The following NKAIN3 variants were observed in gnomAD, a reference collection of about 807,000 sequenced individuals.
The protein encoded by NKAIN3 is sodium/potassium transporting ATPase interacting 3, also known as sodium/potassium-transporting ATPase subunit beta-1-interacting protein 3.
NKAIN3 carries 25 observed loss-of-function variants against 30.2 expected under a neutral mutation model. The ratio of observed to expected loss-of-function variants is 0.83; its 90% confidence interval spans 0.60 to 1.16. The LOEUF is 1.16. NKAIN3 is among the 50% of genes most tolerant of loss of function. The pLI is 0.00. For missense variants in NKAIN3, 225 were observed against 254.1 expected (o/e 0.89, Z 0.78); for synonymous variants, 91 against 89.6 (o/e 1.02, Z -0.09).
chr8:62,471,492 G>A (rs1284559233), intron 1 of NKAIN3, among the ~76,000 whole-genome samples: 2 of 152,120 alleles, frequency 1.3e-5, no homozygotes, highest in Non-Finnish European at 2.9e-5. Context: ...AATCTTGTGT[G>A]TACCATAAGA....
intron 1 of NKAIN3, among the ~76,000 whole-genome samples, chr8:62,498,623 A>C (rs112874245): frequency 0.023 from 3,504 of 152,084 alleles, 130 homozygotes; most frequent in African/African-American, 0.08. Context: ...TTTTTAGGGA[A>C]GACCTGAAAA....
At chr8:62,871,079 T>C (rs1398058577) in intron 4 of NKAIN3, among the ~76,000 whole-genome samples, 1 of 151,948 alleles carries the variant, frequency 6.6e-6, no homozygotes, top group Non-Finnish European at 1.5e-5. Context: ...TATGTACACA[T>C]TATGAAATGA....
At chr8:62,757,906 T>TAAAC (rs1379655932) in intron 4 of NKAIN3, among the ~76,000 whole-genome samples, 6 of 152,152 alleles carry the variant, frequency 3.9e-5, no homozygotes, top group Non-Finnish European at 7.4e-5. Context: ...TTTCAGTTTG[T>TAAAC]AAACAGGTGA....
intron 1 of NKAIN3, among the ~76,000 whole-genome samples, chr8:62,384,196 C>A (rs1817358145): frequency 6.6e-6 from 1 of 152,126 alleles, no homozygotes; most frequent in African/African-American, 2.4e-5. Context: ...AGATGATTAG[C>A]ATCACATGGC....
chr8:62,985,496 G>A (rs375332358), downstream of NKAIN3, among the ~76,000 whole-genome samples: 2 of 152,142 alleles, frequency 1.3e-5, no homozygotes, highest in East Asian at 1.9e-4. Flanking sequence ...CTTCTTCATT[G>A]CCTCTGAGAC....
chr8:62,678,668 T>A (rs13282341), intron 3 of NKAIN3, among the ~76,000 whole-genome samples: 8,202 of 150,418 alleles, frequency 0.055, 316 homozygotes, highest in Middle Eastern at 0.12. Flanking sequence ...TATTATATCA[T>A]TACATTGATA....
At chr8:62,870,709 A>C (rs189856352) in intron 4 of NKAIN3, among the ~76,000 whole-genome samples, 2 of 145,254 alleles carry the variant, frequency 1.4e-5, no homozygotes, top group South Asian at 2.1e-4. Flanking sequence ...ATATCTATAT[A>C]TCTATATCTC....
intron 4 of NKAIN3, among the ~76,000 whole-genome samples, chr8:62,801,252 T>A (rs138535384): frequency 7.9e-5 from 12 of 152,138 alleles, no homozygotes; most frequent in Non-Finnish European, 2.9e-5. Context: ...TCTGACAGCT[T>A]TGAAGAGAGC....
intron 3 of NKAIN3, among the ~76,000 whole-genome samples, chr8:62,730,277 A>G (rs1314532514): frequency 2.0e-5 from 3 of 152,120 alleles, no homozygotes; most frequent in Non-Finnish European, 4.4e-5. Context: ...ATTTAGCTCC[A>G]CTAGAGCATA....
chr8:62,371,106 A>G (rs1816894089), intron 1 of NKAIN3, among the ~76,000 whole-genome samples: 1 of 151,818 alleles, frequency 6.6e-6, no homozygotes, highest in Admixed American at 6.6e-5. Context: ...ATGTCATCTT[A>G]TCCTCAAAGT....
At chr8:62,317,078 T>G (rs1814663639) in intron 1 of NKAIN3, among the ~76,000 whole-genome samples, 1 of 152,222 alleles carries the variant, frequency 6.6e-6, no homozygotes, top group South Asian at 2.1e-4. Flanking sequence ...TGTCTTCTTT[T>G]GAGAAGTGTC....
At chr8:62,943,760 T>C (rs1485302135) in intron 5 of NKAIN3, among the ~76,000 whole-genome samples, 1 of 144,846 alleles carries the variant, frequency 6.9e-6, no homozygotes, top group African/African-American at 2.5e-5. Context: ...TTATATGATA[T>C]ATTATATTAT....
chr8:62,793,960 C>T (rs1817773034), intron 4 of NKAIN3, among the ~76,000 whole-genome samples: 1 of 152,188 alleles, frequency 6.6e-6, no homozygotes, highest in Admixed American at 6.6e-5. Context: ...TAACCAAATG[C>T]ATCTGACCAT....
chr8:62,456,452 G>C (rs1294043363), intron 1 of NKAIN3, among the ~76,000 whole-genome samples: 1 of 151,926 alleles, frequency 6.6e-6, no homozygotes, highest in Non-Finnish European at 1.5e-5. Flanking sequence ...CTGTGAGGCA[G>C]AGCTTGTAGT....
chr8:62,659,333 G>T (rs1170633781), intron 3 of NKAIN3, among the ~76,000 whole-genome samples: 1 of 144,876 alleles, frequency 6.9e-6, no homozygotes, highest in Non-Finnish European at 1.5e-5. Context: ...ACAGAACTGG[G>T]TTTAGAACCT....
chr8:62,719,421 C>G (rs1815011552), intron 3 of NKAIN3, among the ~76,000 whole-genome samples: 1 of 152,120 alleles, frequency 6.6e-6, no homozygotes, highest in Non-Finnish European at 1.5e-5. Flanking sequence ...ACTAATCTAC[C>G]AAAAATGGAT....
At chr8:62,856,759 C>G (rs1320818310) in intron 4 of NKAIN3, 15 of 670,884 alleles carry the variant, frequency 2.2e-5, no homozygotes, top group Non-Finnish European at 4.1e-5. Flanking sequence ...TATTTTGCAC[C>G]TGGCTTATCC....
intron 3 of NKAIN3, among the ~76,000 whole-genome samples, chr8:62,597,740 A>G (rs1810875899): frequency 6.6e-6 from 1 of 152,008 alleles, no homozygotes; most frequent in Admixed American, 6.6e-5. Context: ...ATTAGTTTGT[A>G]TATACTTTAT....
chr8:62,529,968 T>A (rs915654013), intron 1 of NKAIN3, among the ~76,000 whole-genome samples: 5 of 152,194 alleles, frequency 3.3e-5, no homozygotes, highest in African/African-American at 1.2e-4. Flanking sequence ...AGATTTCTCC[T>A]GGCTCGGCTA....
Sources: allele counts gnomAD v4.1 joint callset (sites outside exome capture counted in the v4.1 genomes callset), GRCh38; gene constraint gnomAD v4.1.1; transcripts MANE v1.5; gene names NCBI Gene and HGNC (gene_info 2026-07-23, HGNC 2026-07-21).